ASZ1: variants seen among roughly 807,000 people sequenced by gnomAD.
The protein encoded by ASZ1 is ankyrin repeat, SAM and basic leucine zipper domain-containing protein 1.
Under a neutral mutation model 61.8 loss-of-function variants are expected in ASZ1, and 67 were observed. The ratio of observed to expected loss-of-function variants is 1.08; its 90% confidence interval spans 0.89 to 1.33. The LOEUF is 1.33. Ranked by LOEUF, ASZ1 falls within the 40% of genes most tolerant of loss-of-function variation. The pLI, the probability that ASZ1 is intolerant of heterozygous loss-of-function variation, is 0.00. For missense variants in ASZ1, 577 were observed against 554.5 expected, an observed-to-expected ratio of 1.04 and a Z score of -0.41; for synonymous variants, 193 against 192.7, an observed-to-expected ratio of 1.00 and a Z score of -0.01.
chr7:117,388,203 G>A (rs1796396628), intron 4 of ASZ1, among the ~76,000 whole-genome samples: 1 of 152,040 alleles, frequency 6.6e-6, no homozygotes, highest in Non-Finnish European at 1.5e-5. Context: ...CAGGCCAGAT[G>A]GCTCCACTGG....
At chr7:117,402,809 C>T (rs1489324895) in intron 4 of ASZ1, among the ~76,000 whole-genome samples, 1 of 152,018 alleles carries the variant, frequency 6.6e-6, no homozygotes, top group East Asian at 1.9e-4. Flanking sequence ...TTAGTCTTAC[C>T]CAACCAGATG....
chr7:117,417,280 T>C (rs1458905988), intron 4 of ASZ1, among the ~76,000 whole-genome samples: 1 of 152,226 alleles, frequency 6.6e-6, no homozygotes, highest in Non-Finnish European at 1.5e-5. Context: ...TTATGTTTTA[T>C]GGCTGACTCT....
At chr7:117,424,921 C>T (rs1303805076) in intron 2 of ASZ1, among the ~76,000 whole-genome samples, 4 of 152,044 alleles carry the variant, frequency 2.6e-5, no homozygotes, top group Non-Finnish European at 4.4e-5. Context: ...CCTTTAAAAG[C>T]GTATTTTAAT....
intron 4 of ASZ1, among the ~76,000 whole-genome samples, chr7:117,412,286 C>T (rs1204928880): frequency 6.6e-6 from 1 of 151,624 alleles, no homozygotes; most frequent in East Asian, 1.9e-4. Context: ...GTTAAAAAGG[C>T]TAAAAAGAAA....
Position 117,383,112 on chromosome 7 carries a change from T to C in ASZ1, c.688-2A>G. The C allele has an allele frequency of 6.5e-7, 1 of 1,546,134 alleles. No individual in the cohort carries two copies. The highest frequency in any genetic ancestry group is 8.7e-7 in the Non-Finnish European group (1 of 1,150,664). Reference sequence around the variant, plus strand: ...AGTAAAAGAAAGTAAGTTGAAGATCTGAAAAAAGTTAACATCATTCAAATA... The same window carrying C: ...AGTAAAAGAAAGTAAGTTGAAGATCCGAAAAAAGTTAACATCATTCAAATA... On this transcript the variant is annotated splice_acceptor_variant, in intron 6 of 12. Coordinates refer to ENST00000284629, the MANE Select transcript of ASZ1 (RefSeq NM_130768.3). LOFTEE classifies it high-confidence loss of function.
chr7:117,364,419 CAGAGAGAGAG>C (rs35394991), intron 12 of ASZ1, among the ~76,000 whole-genome samples: 3 of 145,298 alleles, frequency 2.1e-5, no homozygotes, highest in East Asian at 2.0e-4. Context: ...GACAGAGAGA[CAGAGAGAGAG>C]AGAGAGAGAG....
intron 2 of ASZ1, among the ~76,000 whole-genome samples, chr7:117,425,564 G>C (rs7779160): frequency 5.9e-5 from 9 of 151,714 alleles, no homozygotes; most frequent in Non-Finnish European, 1.2e-4. Flanking sequence ...CACCGCGCCC[G>C]GCCAGTAATT....
At chr7:117,395,114 T>C (rs1018416886) in intron 4 of ASZ1, among the ~76,000 whole-genome samples, 13 of 152,254 alleles carry the variant, frequency 8.5e-5, no homozygotes, top group Non-Finnish European at 1.6e-4. Context: ...GAAGACAAGA[T>C]AACCTTGTCT....
rs557803058 is a variant in ASZ1 at position 117,427,463 on chromosome 7, C to G, written c.-3G>C. 4.3e-6 allele frequency: 7 copies of G among 1,613,668 alleles called. No homozygotes were observed. Among genetic ancestry groups the G allele is most frequent in the Non-Finnish European group, 5.1e-6 (6 of 1,179,822 alleles). On this transcript the variant is annotated 5_prime_UTR_variant, in exon 1 of 13. Transcript: ENST00000284629. ...CCTCGCAGCGCGCTCGCCGCCATGC[C>G]AGCCAAGGAAGCTCCCTGTCGGCAC...
rs1214750928 is a variant in ASZ1, at chr7:117,384,821, C to G, written c.592G>C (p.Val198Leu). The stretch of plus-strand genomic sequence containing the variant: ...GCTCCAAGTTCAAGCAACTTCAAAA[C>G]TATATTTTTATGACCCTGACGTGCT... The part of the protein sequence containing the change: ...WAARQGHKNI[V>L]LKLLELGANK... The change falls in exon 6 of 13, where the codon GTT becomes CTT. Residue 198 changes from valine to leucine, a missense_variant. Val to Leu is a conservative substitution (Grantham distance 32). Coordinates refer to ENST00000284629, the MANE Select transcript of ASZ1 (RefSeq NM_130768.3). The G allele has an allele frequency of 3.1e-6, 5 of 1,608,516 alleles. No individual in the cohort carries two copies. Among genetic ancestry groups the G allele is most frequent in the Non-Finnish European group, 4.2e-6 (5 of 1,178,226 alleles).
Position 117,363,485 on chromosome 7 carries a change from T to C in ASZ1, c.*111A>G, listed in dbSNP as rs989727. 48,318 of 961,240 alleles carry C rather than the reference T, an allele frequency of 0.05. 4,369 individuals carry two copies. The highest frequency in any genetic ancestry group is 0.35 in the African/African-American group (20,789 of 58,708). The allele number at this position is 961,240 out of a possible 1,614,324, so 59.5% of individuals were successfully genotyped here. A position where few individuals can be genotyped will look rare whatever the true frequency, so the allele number is the denominator to read the frequency against. On this transcript the variant is annotated 3_prime_UTR_variant, in exon 13 of 13. Coordinates refer to ENST00000284629, the MANE Select transcript of ASZ1 (RefSeq NM_130768.3). ...CTCCACATTGTCAAAATTTTTCCTA[T>C]GGAATATTGGCAAAGAATGTAAAGT...
At chr7:117,375,150 G>A (rs918434631) in intron 10 of ASZ1, among the ~76,000 whole-genome samples, 3 of 151,918 alleles carry the variant, frequency 2.0e-5, no homozygotes, top group Non-Finnish European at 4.4e-5. Flanking sequence ...AATTATTATA[G>A]GTTATTTCGG....
intron 8 of ASZ1, 50 bp from the exon 9 acceptor site, chr7:117,381,117 AAGG>A (rs751810129): frequency 2.1e-6 from 3 of 1,453,084 alleles, no homozygotes; most frequent in South Asian, 2.5e-5. Context: ...AAAATAGTAG[AAGG>A]AGAAGTAGGC....
At chr7:117,374,585 G>GA (rs1049941106) in intron 10 of ASZ1, among the ~76,000 whole-genome samples, 1 of 151,836 alleles carries the variant, frequency 6.6e-6, no homozygotes, top group Non-Finnish European at 1.5e-5. Flanking sequence ...TTATTTTAGG[G>GA]AAAAAATCAA....
intron 4 of ASZ1, among the ~76,000 whole-genome samples, chr7:117,408,967 T>C (rs1314112281): frequency 6.6e-6 from 1 of 152,136 alleles, no homozygotes; most frequent in Non-Finnish European, 1.5e-5. Context: ...GTGCATTTCA[T>C]TTTGTAAATT....
intron 12 of ASZ1, among the ~76,000 whole-genome samples, chr7:117,364,141 T>C (rs1562842688): frequency 6.6e-6 from 1 of 152,234 alleles, no homozygotes; most frequent in Admixed American, 6.6e-5. Context: ...ATCATTATTA[T>C]AGCAAACCTA....
Position 117,363,382 on chromosome 7 carries a change from ACTAC to A in ASZ1, c.*210_*213del. 3.0e-6 allele frequency: 1 copy of A among 334,200 alleles called. No individual in the cohort carries two copies. Among genetic ancestry groups the A allele is most frequent in the South Asian group, 1.2e-4 (1 of 8,582 alleles). 20.7% of individuals were successfully genotyped at this position (334,200 alleles called of 1,614,324 possible). A position where few individuals can be genotyped will look rare whatever the true frequency, so the allele number is the denominator to read the frequency against. ...CAAACCAAAAAATTACTTATACTTT[ACTAC>A]CTAATCACAATTAACATAAACATAA... On this transcript the variant is annotated 3_prime_UTR_variant, in exon 13 of 13. Coordinates refer to ENST00000284629, the MANE Select transcript of ASZ1 (RefSeq NM_130768.3).
At chr7:117,385,189 G>A (rs2051718) in intron 5 of ASZ1, among the ~76,000 whole-genome samples, 74,075 of 151,658 alleles carry the variant, frequency 0.49, 19,187 homozygotes, top group African/African-American at 0.67. Context: ...ATTTTGCTGT[G>A]TGTTACAATT....
At chr7:117,427,103 A>G (rs1318821865) in intron 1 of ASZ1, among the ~76,000 whole-genome samples, 168 bp from the exon 2 acceptor site, 3 of 152,158 alleles carry the variant, frequency 2.0e-5, no homozygotes, top group Non-Finnish European at 2.9e-5. Flanking sequence ...TTTCAAGGGA[A>G]TAGGTAATGA....
Sources: gnomAD v4.1 joint callset for allele counts (sites outside exome capture counted in the v4.1 genomes callset) on GRCh38, gnomAD v4.1.1 for gene constraint, MANE v1.5 for transcripts, NCBI Gene and HGNC (gene_info 2026-07-23, HGNC 2026-07-21) for gene names.